ZFHX3: variants seen among roughly 807,000 people sequenced by gnomAD.
ZFHX3 encodes zinc finger homeobox protein 3.
In ZFHX3, 42 loss-of-function variants were observed where a neutral mutation model predicts 279.1. That is an observed-to-expected ratio of 0.15 (90% CI 0.12 to 0.19). The LOEUF (loss-of-function observed/expected upper bound fraction) is 0.19. ZFHX3 is among the 10% of genes least tolerant of loss of function. ZFHX3 has a pLI of 1.00. For missense variants in ZFHX3, 4,981 were observed against 4,754.0 expected (o/e 1.05, Z -1.40); for synonymous variants, 2,293 against 1,957.8 (o/e 1.17, Z -4.52).
chr16:73,469,260 G>A (rs938709470), intron 2 of ZFHX3, among the ~76,000 whole-genome samples: 25 of 152,274 alleles, frequency 1.6e-4, no homozygotes, highest in African/African-American at 6.0e-4. Flanking sequence ...CTGGAATAGA[G>A]CAAGAGAACA....
intron 3 of ZFHX3, among the ~76,000 whole-genome samples, chr16:72,906,784 C>G (rs552997342): frequency 6.6e-6 from 1 of 152,030 alleles, no homozygotes; most frequent in Non-Finnish European, 1.5e-5. Context: ...GGCAACAGAG[C>G]GAGACTCTGT....
intron 7 of ZFHX3, among the ~76,000 whole-genome samples, chr16:73,118,685 G>A (rs1245432980): frequency 6.6e-6 from 1 of 152,208 alleles, no homozygotes; most frequent in Non-Finnish European, 1.5e-5. Flanking sequence ...GAATTTCACA[G>A]GATGTAGTAA....
At chr16:73,606,010 C>T (rs866689099) in intron 2 of ZFHX3, among the ~76,000 whole-genome samples, 2 of 150,768 alleles carry the variant, frequency 1.3e-5, no homozygotes, top group Non-Finnish European at 3.0e-5. Context: ...AGTGAAAGCC[C>T]GTCTCTACTA....
chr16:73,514,431 C>G (rs1384100168), intron 2 of ZFHX3, among the ~76,000 whole-genome samples: 1 of 152,030 alleles, frequency 6.6e-6, no homozygotes, highest in African/African-American at 2.4e-5. Context: ...TACATATTTT[C>G]AAATTTATTC....
chr16:73,645,327 G>A (rs1047121581), intron 2 of ZFHX3, among the ~76,000 whole-genome samples: 1 of 152,062 alleles, frequency 6.6e-6, no homozygotes, highest in African/African-American at 2.4e-5. Flanking sequence ...CATGATCTCG[G>A]CTCACTGCAA....
chr16:73,492,841 C>T (rs919283616), intron 2 of ZFHX3, among the ~76,000 whole-genome samples: 3 of 152,122 alleles, frequency 2.0e-5, no homozygotes, highest in Non-Finnish European at 2.9e-5. Context: ...CTGCTCCTAG[C>T]GGACTGTGGT....
At chr16:73,458,850 C>A (rs2018423261) in intron 2 of ZFHX3, among the ~76,000 whole-genome samples, 1 of 152,200 alleles carries the variant, frequency 6.6e-6, no homozygotes, top group African/African-American at 2.4e-5. Flanking sequence ...TTTAACATAT[C>A]TGTAAGTCTT....
At chr16:73,861,763 A>G (rs1301629450) in intron 1 of ZFHX3, among the ~76,000 whole-genome samples, 14 of 152,174 alleles carry the variant, frequency 9.2e-5, no homozygotes, top group Admixed American at 9.2e-4. Context: ...ATTTGTACAC[A>G]GAAATAGAAT....
intron 3 of ZFHX3, among the ~76,000 whole-genome samples, chr16:73,426,549 T>C (rs1445072790): frequency 6.6e-6 from 1 of 152,100 alleles, no homozygotes; most frequent in Admixed American, 6.5e-5. Context: ...TACCCAAGAA[T>C]GTCTTCAAAT....
At chr16:73,054,902 C>T (rs137973964) in intron 1 of ZFHX3, among the ~76,000 whole-genome samples, 4 of 152,084 alleles carry the variant, frequency 2.6e-5, no homozygotes, top group African/African-American at 4.8e-5. Context: ...CTCTCTCTCT[C>T]TAAGATAAAG....
chr16:72,998,092 A>G (rs1269050570), intron 1 of ZFHX3, among the ~76,000 whole-genome samples: 1 of 151,718 alleles, frequency 6.6e-6, no homozygotes, highest in Non-Finnish European at 1.5e-5. Flanking sequence ...ACAAAAATGA[A>G]AACATAAAAA....
intron 1 of ZFHX3, among the ~76,000 whole-genome samples, chr16:73,801,002 C>T (rs1960130633): frequency 6.6e-6 from 1 of 152,192 alleles, no homozygotes; most frequent in Non-Finnish European, 1.5e-5. Context: ...AGTGCAATAA[C>T]TATAACCTCC....
At chr16:73,510,471 A>G (rs2019409860) in intron 2 of ZFHX3, among the ~76,000 whole-genome samples, 2 of 152,306 alleles carry the variant, frequency 1.3e-5, no homozygotes, top group South Asian at 4.2e-4. Context: ...ACATCAATCA[A>G]ATCACATATC....
At chr16:72,951,535 GAC>G (rs1961001902) in intron 2 of ZFHX3, among the ~76,000 whole-genome samples, 1 of 152,166 alleles carries the variant, frequency 6.6e-6, no homozygotes, top group Non-Finnish European at 1.5e-5. Context: ...GTGCTAGAAT[GAC>G]AGGCATGAGC....
Position 73,302,865 on chromosome 16 carries a change from A to G in ZFHX3, c.-1194+15375T>C, listed in dbSNP as rs1277425525. On this transcript the variant is annotated intron_variant, in intron 4 of 17. Coordinates refer to the ZFHX3 transcript ENST00000641206. ...CAGGGAGGCTAGAACTGAGGGCAAA[A>G]TAGAAAAACAGCAATGCCTTGGACT... Among the ~76,000 whole-genome samples, 3 of 152,262 alleles carry G rather than the reference A, an allele frequency of 2.0e-5. No homozygotes were observed. In the East Asian group the frequency reaches 5.8e-4, roughly 29 times the overall value.
At chr16:73,212,650 G>C (rs539023933) in intron 5 of ZFHX3, among the ~76,000 whole-genome samples, 1 of 152,308 alleles carries the variant, frequency 6.6e-6, no homozygotes, top group Non-Finnish European at 1.5e-5. Flanking sequence ...GCTCATGACC[G>C]TCACCTGGAG....
chr16:72,923,615 A>G (rs1389062824), intron 3 of ZFHX3, among the ~76,000 whole-genome samples: 1 of 152,134 alleles, frequency 6.6e-6, no homozygotes, highest in Non-Finnish European at 1.5e-5. Context: ...CCTGTTTTAT[A>G]CATGTCATAT....
At chr16:72,851,490 G>T (rs1042843477) in intron 4 of ZFHX3, among the ~76,000 whole-genome samples, 6 of 152,084 alleles carry the variant, frequency 3.9e-5, no homozygotes, top group Non-Finnish European at 8.8e-5. Context: ...TTAATATAAT[G>T]GTGTCTAAAT....
Position 72,788,105 on chromosome 16 carries a change from CT to C in ZFHX3, c.10170del (p.Val3391CysfsTer94). ...CTTGCTTTGGGCTGCTGCTGCTGCA[CT>C]TTTTGCTGCTGCTGCTGCTGTAGTT... Reference protein sequence around the residue: ...QRQLQQQQQQKVQQQQPKASQ... With the variant: ...QRQLQQQQQQXVQQQQPKASQ... On this transcript the variant is annotated frameshift_variant, in exon 10 of 10. Coordinates refer to ENST00000268489, the MANE Select transcript of ZFHX3 (RefSeq NM_006885.4). LOFTEE classifies it high-confidence loss of function. 1 of 1,608,448 alleles carries C rather than the reference CT, an allele frequency of 6.2e-7. No individual in the cohort carries two copies.
Sources: gnomAD v4.1 joint callset for allele counts (sites outside exome capture counted in the v4.1 genomes callset) on GRCh38, gnomAD v4.1.1 for gene constraint, MANE v1.5 for transcripts, NCBI Gene and HGNC (gene_info 2026-07-23, HGNC 2026-07-21) for gene names.